The following PHKG1 variants were observed in gnomAD, a reference collection of about 807,000 sequenced individuals.
The protein encoded by PHKG1 is phosphorylase kinase catalytic subunit gamma 1, also known as phosphorylase b kinase gamma catalytic chain, skeletal muscle/heart isoform.
A neutral mutation model predicts 50.5 loss-of-function variants in PHKG1; 48 were observed. That is an observed-to-expected ratio of 0.95 (90% CI 0.75 to 1.21). The LOEUF is 1.21. PHKG1 is among the 50% of genes most tolerant of loss of function. The pLI is 0.00. For missense variants in PHKG1, 487 were observed against 519.5 expected (o/e 0.94, Z 0.61); for synonymous variants, 204 against 212.8 (o/e 0.96, Z 0.36).
chr7:56,087,544 C>T, intron 3 of PHKG1, 54 bp downstream of exon 3: 1 of 1,563,776 alleles, frequency 6.4e-7, no homozygotes, highest in Middle Eastern at 1.7e-4. Flanking sequence ...CTTGGGCTGT[C>T]AGGGCAGAAT....
chr7:56,086,898 C>T (rs1796274375), intron 4 of PHKG1, 72 bp downstream of exon 4: 2 of 1,163,754 alleles, frequency 1.7e-6, no homozygotes, highest in East Asian at 2.3e-5. Context: ...CTCCAGGCAG[C>T]CCTGGGGTTG....
rs149458708 is a variant in PHKG1 at position 56,081,251 on chromosome 7, G to A, written c.967C>T (p.Arg323Cys). The change falls in exon 10 of 10, where the codon CGC becomes TGC. Residue 323 changes from arginine to cysteine, a missense_variant. Physicochemically the swap from Arg to Cys is radical, Grantham distance 180. Coordinates refer to ENST00000297373, the MANE Select transcript of PHKG1 (RefSeq NM_006213.5). This position sits in a 1 kb window ranked among gnomAD's most constrained non-coding sequence, Gnocchi z 4.6. ...TCCCGGGTCACAGGCTTCACCCGGC[G>A]GTACTGGTAGTAGATCCGCACTGAA... The part of the protein sequence containing the change: ...LASVRIYYQY[R>C]RVKPVTREIV... 1.2e-4 allele frequency: 201 copies of A among 1,613,104 alleles called. No homozygotes were observed. In the African/African-American group the frequency reaches 2.2e-3, roughly 17 times the overall value.
In PHKG1 at chr7:56,083,295, G is replaced by T. The variant is rs187745069; in HGVS notation, c.530C>A (p.Pro177Gln). Residue 177 changes from proline (P) to glutamine (Q), a missense_variant, in exon 6 of 10, where the codon CCG (proline) becomes CAG (glutamine). Pro to Gln is a moderately conservative substitution (Grantham distance 76). Coordinates refer to ENST00000297373, the MANE Select transcript of PHKG1 (RefSeq NM_006213.5). The stretch of plus-strand genomic sequence containing the variant: ...TACCAGACCTCGCAGCCTCTCTCCC[G>T]GCTCCAGCTGGCAGGAAAAGCCAAA... ...TDFGFSCQLE[P>Q]GERLREVCGT... is the part of the protein sequence containing the mutation. 1 of 1,613,840 alleles carries T rather than the reference G, an allele frequency of 6.2e-7. No homozygotes were observed. The highest frequency in any genetic ancestry group is 1.1e-5 in the South Asian group (1 of 91,054).
chr7:56,082,266 T>A lies in PHKG1; in HGVS notation c.548-13A>T. The stretch of plus-strand genomic sequence containing the variant: ...GTCCCGCAGACCTCTGCAGGAACAG[T>A]CATCATCAGGGCAGGTCAGCAGGGC... On this transcript the variant is annotated splice_polypyrimidine_tract_variant and intron_variant, in intron 6 of 9. Coordinates refer to ENST00000297373, the MANE Select transcript of PHKG1 (RefSeq NM_006213.5). 6.2e-7 allele frequency: 1 copy of A among 1,606,628 alleles called. No individual in the cohort carries two copies. The highest frequency in any genetic ancestry group is 2.2e-5 in the East Asian group (1 of 44,802).
Position 56,083,387 on chromosome 7 carries a change from G to T in PHKG1, c.438C>A (p.Ile146=), listed in dbSNP as rs1255499107. The T allele has an allele frequency of 6.2e-7, 1 of 1,614,070 alleles. No homozygotes were observed. Among genetic ancestry groups the T allele is most frequent in the East Asian group, 2.2e-5 (1 of 44,878 alleles). The part of the protein sequence containing the change: ...EVICTLHKLN[I]VHRDLKPENI... Reference sequence around the variant, plus strand: ...TCTCGGGCTTCAGGTCCCGGTGCACGATGTTGAGTTTGTGCAAGGTGCAGA... The same window carrying T: ...TCTCGGGCTTCAGGTCCCGGTGCACTATGTTGAGTTTGTGCAAGGTGCAGA... Residue 146 remains isoleucine, a synonymous_variant, in exon 6 of 10, where the codon ATC becomes ATA. Coordinates refer to ENST00000297373, the MANE Select transcript of PHKG1 (RefSeq NM_006213.5).
rs762760644 is a variant in PHKG1, at chr7:56,081,862, A to G, written c.792+31T>C. The G allele has an allele frequency of 2.0e-5, 32 of 1,611,972 alleles. No individual in the cohort carries two copies. The Admixed American group carries it at 5.3e-4, about 27-fold the overall frequency. Reference sequence around the variant, plus strand: ...AGGGGCGCCTGGCATCGCAGCCCTGAGCCCAGGAGCCAGTTGGCCTGGCCT... The same window carrying G: ...AGGGGCGCCTGGCATCGCAGCCCTGGGCCCAGGAGCCAGTTGGCCTGGCCT... On this transcript the variant is annotated intron_variant, in intron 8 of 9. Transcript: ENST00000297373. The surrounding 1 kb of genome is among the most constrained non-coding windows in gnomAD (Gnocchi z 4.6).
intron 4 of PHKG1, among the ~76,000 whole-genome samples, chr7:56,085,779 A>G (rs1796226511): frequency 6.6e-6 from 1 of 152,006 alleles, no homozygotes; most frequent in African/African-American, 2.4e-5. Context: ...AGACTGGCCA[A>G]CATGGCAAAA....
Position 56,087,629 on chromosome 7 carries a change from G to A in PHKG1, c.231C>T (p.Ile77=). The A allele has an allele frequency of 6.2e-7, 1 of 1,613,916 alleles. No homozygotes were observed. The highest frequency in any genetic ancestry group is 1.1e-5 in the South Asian group (1 of 91,078). Residue 77 remains isoleucine (I), a synonymous_variant, in exon 3 of 10, where the codon ATC becomes ATT. Coordinates refer to ENST00000297373, the MANE Select transcript of PHKG1 (RefSeq NM_006213.5). ...TGGGGTGCCCTGAGACCTTGCGCAGGATGTCCACCTCCTTCAGCGTGGCTT... is the reference window on the plus strand; with the variant it reads ...TGGGGTGCCCTGAGACCTTGCGCAGAATGTCCACCTCCTTCAGCGTGGCTT... ...LREATLKEVD[I]LRKVSGHPNI...
At chr7:56,083,543 A>G in intron 5 of PHKG1, 102 bp from the exon 6 acceptor site, 1 of 1,519,222 alleles carries the variant, frequency 6.6e-7, no homozygotes. Context: ...GGAGCAGCAC[A>G]CACGCCCAGC....
At chr7:56,084,182 T>C (rs1170422132) in intron 4 of PHKG1, 6 of 1,534,620 alleles carry the variant, frequency 3.9e-6, no homozygotes, top group African/African-American at 2.7e-5. Flanking sequence ...GTTGGTGGAC[T>C]TGGGAGAGTC....
chr7:56,087,731 G>A lies in PHKG1; in HGVS notation c.129C>T (p.Ser43=). ...VVRRCIHKPT[S]QEYAVKVIDV... is the part of the protein sequence containing the mutation. ...CGATGACCTTCACGGCGTACTCCTGGCTCGTGGGCTTGTGGATGCATCGCC... is the reference window on the plus strand; with the variant it reads ...CGATGACCTTCACGGCGTACTCCTGACTCGTGGGCTTGTGGATGCATCGCC... Residue 43 remains serine (S), a synonymous_variant, in exon 3 of 10, where the codon AGC becomes AGT. Coordinates refer to ENST00000297373, the MANE Select transcript of PHKG1 (RefSeq NM_006213.5). 1.2e-6 allele frequency: 2 copies of A among 1,613,606 alleles called. No homozygotes were observed. The highest frequency in any genetic ancestry group is 1.7e-6 in the Non-Finnish European group (2 of 1,180,024).
Position 56,090,579 on chromosome 7 carries a change from G to T in PHKG1, c.-34-1604C>A, listed in dbSNP as rs577963754. On this transcript the variant is annotated intron_variant, in intron 1 of 9. Coordinates refer to ENST00000297373, the MANE Select transcript of PHKG1 (RefSeq NM_006213.5). ...GTGGGTCCATCCTGGTCCGCCTCTG[G>T]TGTCACTTGTCAGTGTATGCTGTCA... Among the ~76,000 whole-genome samples the T allele has an allele frequency of 9.2e-5, 14 of 151,928 alleles. No individual in the cohort carries two copies. The South Asian group carries it at 2.9e-3, about 32-fold the overall frequency.
At chr7:56,085,542 G>A (rs150092895) in intron 4 of PHKG1, among the ~76,000 whole-genome samples, 1 of 152,306 alleles carries the variant, frequency 6.6e-6, no homozygotes, top group Non-Finnish European at 1.5e-5. Flanking sequence ...TGGTGATGAT[G>A]ATATTGATCT....
chr7:56,083,673 G>A lies in PHKG1; in HGVS notation c.360C>T (p.Val120=). Residue 120 remains valine, a synonymous_variant, in exon 5 of 10, where the codon GTC becomes GTT. Transcript: ENST00000297373. ...ACCTGGTTTCCTTCTCACTCAAGGT[G>A]ACCTTCTCAGTGAGGTAGTCAAAGA... ...GELFDYLTEK[V]TLSEKETRKI... is the part of the protein sequence containing the mutation. 1.3e-6 allele frequency: 2 copies of A among 1,585,834 alleles called. No individual in the cohort carries two copies. The highest frequency in any genetic ancestry group is 1.7e-6 in the Non-Finnish European group (2 of 1,163,174).
intron 5 of PHKG1, 64 bp downstream of exon 5, chr7:56,083,585 AC>A: frequency 1.3e-6 from 2 of 1,500,598 alleles, no homozygotes; most frequent in Non-Finnish European, 1.8e-6. Flanking sequence ...CTCCCCTGAG[AC>A]CCCAGTGCCT....
Position 56,083,639 on chromosome 7 carries a change from G to T in PHKG1, c.383+11C>A, listed in dbSNP as rs1320258643. ...GGGAGGGAGCGGAGAGAAGGGCAAA[G>T]GGACCCTCACCTGGTTTCCTTCTCA... On this transcript the variant is annotated intron_variant, in intron 5 of 9. Transcript: ENST00000297373. 1 of 1,577,744 alleles carries T rather than the reference G, an allele frequency of 6.3e-7. No individual in the cohort carries two copies. Among genetic ancestry groups the T allele is most frequent in the Non-Finnish European group, 8.6e-7 (1 of 1,158,240 alleles).
chr7:56,084,077 G>T, intron 4 of PHKG1: 1 of 837,114 alleles, frequency 1.2e-6, no homozygotes. Context: ...CATTACCCTA[G>T]TTCCAGGCCA....
intron 1 of PHKG1, among the ~76,000 whole-genome samples, chr7:56,091,147 G>A (rs567201160): frequency 5.3e-5 from 8 of 152,172 alleles, no homozygotes; most frequent in Admixed American, 1.3e-4. Context: ...CCAGGAGGTG[G>A]GGTTGCAGTG....
chr7:56,084,232 A>C, intron 4 of PHKG1: 1 of 1,528,806 alleles, frequency 6.5e-7, no homozygotes, highest in Non-Finnish European at 8.8e-7. Flanking sequence ...CCATTGTATC[A>C]GTGTCTTCCC....
Sources: gnomAD v4.1 joint callset for allele counts (sites outside exome capture counted in the v4.1 genomes callset) on GRCh38, gnomAD v4.1.1 for gene constraint, Gnocchi (gnomAD v3.1) non-coding constraint, MANE v1.5 for transcripts, NCBI Gene and HGNC (gene_info 2026-07-23, HGNC 2026-07-21) for gene names.